TRIM9: variants seen among roughly 807,000 people sequenced by gnomAD.
TRIM9 encodes tripartite motif containing 9.
TRIM9 carries 26 observed loss-of-function variants against 78.3 expected under a neutral mutation model. The ratio of observed to expected loss-of-function variants is 0.33; its 90% CI spans 0.24 to 0.46. The LOEUF (loss-of-function observed/expected upper bound fraction) is 0.46. Ranked by LOEUF, TRIM9 falls within the 20% of genes least tolerant of loss-of-function variation. The probability of loss-of-function intolerance (pLI) is 1.00; values close to 1 mark genes in which losing one functional copy is unlikely to be tolerated. For synonymous variants in TRIM9, 398 were observed against 416.5 expected, an observed-to-expected ratio of 0.96 and a Z score of 0.54; for missense variants, 787 against 1,036.4, an observed-to-expected ratio of 0.76 and a Z score of 3.30.
chr14:51,025,887 G>A (rs183040223), intron 1 of TRIM9, among the ~76,000 whole-genome samples: 27 of 152,220 alleles, frequency 1.8e-4, no homozygotes, highest in Middle Eastern at 6.8e-3. Context: ...TGCCTCATCC[G>A]TGTCCTCTTC....
At chr14:51,073,344 T>C (rs2062462399) in intron 1 of TRIM9, among the ~76,000 whole-genome samples, 2 of 152,158 alleles carry the variant, frequency 1.3e-5, no homozygotes, top group South Asian at 4.1e-4. Flanking sequence ...AAAAGACAGG[T>C]GCTATAATGT....
intron 7 of TRIM9, chr14:50,997,513 A>C (rs2054375462): frequency 1.0e-6 from 1 of 986,338 alleles, no homozygotes; most frequent in Admixed American, 6.1e-5. Context: ...AGGCAGTCTA[A>C]GTGGGTAAGC....
chr14:51,055,978 T>A (rs964239244), intron 1 of TRIM9, among the ~76,000 whole-genome samples: 1 of 152,256 alleles, frequency 6.6e-6, no homozygotes, highest in Non-Finnish European at 1.5e-5. Context: ...GATGCAATCC[T>A]CTGCCACAGA....
At chr14:50,977,855 C>T (rs113057083) in intron 12 of TRIM9, among the ~76,000 whole-genome samples, 3 of 152,146 alleles carry the variant, frequency 2.0e-5, no homozygotes, top group African/African-American at 7.2e-5. Flanking sequence ...TCCGTGTATC[C>T]CCAAACCTCA....
rs1566619517 is a variant in TRIM9, at chr14:51,053,594, AAT to A, written c.823-28236_823-28235del. Among the ~76,000 whole-genome samples the A allele has an allele frequency of 4.7e-3, 140 of 29,786 alleles. 3 individuals are homozygous for A. Among genetic ancestry groups the A allele is most frequent in the African/African-American group, 0.018 (134 of 7,574 alleles). The allele number at this position is 29,786 out of a possible 152,430, so 19.5% of individuals were successfully genotyped here. ...TTTTTAATTTTCTTTTTTTTTTTTT[AAT>A]TTTTTTTTTTTTTATTATACTCTAA... On this transcript the variant is annotated intron_variant, in intron 1 of 12. Coordinates refer to ENST00000684578, the MANE Select transcript of TRIM9 (RefSeq NM_001387360.1).
chr14:51,009,898 T>C (rs1162242640), intron 4 of TRIM9, among the ~76,000 whole-genome samples: 1 of 152,106 alleles, frequency 6.6e-6, no homozygotes, highest in African/African-American at 2.4e-5. Flanking sequence ...CTAAAACAAT[T>C]AACACTGAAG....
intron 12 of TRIM9, among the ~76,000 whole-genome samples, chr14:50,978,080 C>G (rs2051299361): frequency 6.6e-6 from 1 of 152,052 alleles, no homozygotes; most frequent in African/African-American, 2.4e-5. Context: ...GGTTTTCTTT[C>G]TTAAAGTGTA....
chr14:51,060,320 A>G (rs1218930205), intron 1 of TRIM9, among the ~76,000 whole-genome samples: 1 of 152,218 alleles, frequency 6.6e-6, no homozygotes, highest in Non-Finnish European at 1.5e-5. Context: ...TTACTCCCTC[A>G]GTATTCCTTA....
intron 11 of TRIM9, among the ~76,000 whole-genome samples, chr14:50,980,355 T>C (rs1381286896): frequency 1.3e-5 from 2 of 152,194 alleles, no homozygotes; most frequent in Non-Finnish European, 2.9e-5. Context: ...GACGATCAGA[T>C]TTGTCTTTCC....
At chr14:51,007,501 T>C (rs1027349056) in intron 5 of TRIM9, among the ~76,000 whole-genome samples, 19 of 152,136 alleles carry the variant, frequency 1.2e-4, no homozygotes, top group Non-Finnish European at 2.6e-4. Flanking sequence ...AAACTAGAAG[T>C]TGTAGGAGTT....
At chr14:51,079,537 G>A (rs2063113062) in intron 1 of TRIM9, among the ~76,000 whole-genome samples, 1 of 152,148 alleles carries the variant, frequency 6.6e-6, no homozygotes. Context: ...TTTTTATGTA[G>A]CCCAGATGTG....
intron 1 of TRIM9, among the ~76,000 whole-genome samples, chr14:51,064,274 A>G (rs1406907173): frequency 1.3e-5 from 2 of 152,212 alleles, no homozygotes; most frequent in South Asian, 2.1e-4. Context: ...TAAAAATTGT[A>G]ACTAAATACT....
intron 3 of TRIM9, among the ~76,000 whole-genome samples, chr14:51,012,606 C>T (rs556288658): frequency 2.0e-5 from 3 of 152,238 alleles, no homozygotes; most frequent in Non-Finnish European, 2.9e-5. Flanking sequence ...TGTGGCAATG[C>T]TATGTTTAAT....
chr14:51,069,355 C>T (rs1001462943), intron 1 of TRIM9, among the ~76,000 whole-genome samples: 1 of 152,072 alleles, frequency 6.6e-6, no homozygotes, highest in African/African-American at 2.4e-5. Context: ...TGTCTACAGG[C>T]AATTTTTTTT....
rs1292976828 is a variant in TRIM9 at position 51,094,449 on chromosome 14, G to A, written c.491C>T (p.Ala164Val). ...CTCGCAGAGCTGGCACTTGAGGGCC[G>A]CGGCTTTGCTCTGCTGGTAGCGGTC... ...VIDRYQQSKAAALKCQLCEKA... is the reference protein window; with the variant it reads ...VIDRYQQSKAVALKCQLCEKA... The change falls in exon 1 of 13, where the codon GCG becomes GTG. Residue 164 changes from alanine (A) to valine (V), a missense_variant. This residue lies in a region of TRIM9 where 352 missense variants were observed against 472.3 expected (regional missense o/e 0.75). Coordinates refer to ENST00000684578, the MANE Select transcript of TRIM9 (RefSeq NM_001387360.1). 30 of 1,613,756 alleles carry A rather than the reference G, an allele frequency of 1.9e-5. No homozygotes were observed. The highest frequency in any genetic ancestry group is 2.4e-5 in the Non-Finnish European group (28 of 1,179,986).
intron 4 of TRIM9, 34 bp from the exon 5 acceptor site, chr14:51,009,267 T>C: frequency 6.2e-7 from 1 of 1,612,242 alleles, no homozygotes; most frequent in Non-Finnish European, 8.5e-7. Flanking sequence ...GCCTAAGAAA[T>C]ACACCACCAC....
At chr14:51,093,307 A>C (rs1204485329) in intron 1 of TRIM9, among the ~76,000 whole-genome samples, 1 of 152,254 alleles carries the variant, frequency 6.6e-6, no homozygotes, top group Non-Finnish European at 1.5e-5. Flanking sequence ...AACTACTGAA[A>C]GAGGAAAGGG....
At chr14:50,999,738 G>T (rs542344325) in intron 6 of TRIM9, among the ~76,000 whole-genome samples, 6 of 152,260 alleles carry the variant, frequency 3.9e-5, no homozygotes, top group African/African-American at 1.4e-4. Context: ...ACTGGCCTCA[G>T]TCCCCAGAAC....
intron 8 of TRIM9, among the ~76,000 whole-genome samples, chr14:50,984,326 G>T (rs895024557): frequency 1.3e-5 from 2 of 152,252 alleles, no homozygotes; most frequent in East Asian, 1.9e-4. Context: ...TGACTTAAAA[G>T]AATTTTACAA....
Sources: gnomAD v4.1 joint callset for allele counts (sites outside exome capture counted in the v4.1 genomes callset) on GRCh38, gnomAD v4.1.1 for gene constraint, gnomAD v4.1.1 regional missense constraint, MANE v1.5 for transcripts, NCBI Gene and HGNC (gene_info 2026-07-23, HGNC 2026-07-21) for gene names.